Variants in ENOX2 observed in about 807,000 individuals in gnomAD.
ENOX2 encodes ecto-NOX disulfide-thiol exchanger 2.
In ENOX2, 36 loss-of-function variants were observed where a neutral mutation model predicts 45.0. The ratio of observed to expected loss-of-function variants is 0.80; its 90% CI spans 0.61 to 1.06. The LOEUF (loss-of-function observed/expected upper bound fraction) is 1.06, where lower values mean the gene tolerates loss of function less well. ENOX2 is among the 50% of genes least tolerant of loss of function. ENOX2 has a pLI of 0.00. For synonymous variants in ENOX2, 174 were observed against 152.3 expected (o/e 1.14, Z -1.05); for missense variants, 423 against 462.5 (o/e 0.91, Z 0.78).
intron 3 of ENOX2, among the ~76,000 whole-genome samples, chrX:130,739,341 A>G (rs2038928938): frequency 1.8e-5 from 2 of 112,275 alleles, no homozygotes; most frequent in Admixed American, 9.4e-5. Flanking sequence ...GTGGACTAAT[A>G]TAAGAGTTCT....
chrX:130,826,822 T>TTGA (rs1378074175), intron 2 of ENOX2, among the ~76,000 whole-genome samples: 1 of 111,801 alleles, frequency 8.9e-6, no homozygotes, highest in Non-Finnish European at 1.9e-5. Context: ...AAATGGTCAT[T>TTGA]ATTCAAATCA....
chrX:130,789,097 C>T (rs2077006838), intron 2 of ENOX2, among the ~76,000 whole-genome samples: 1 of 111,727 alleles, frequency 9.0e-6, no homozygotes, highest in East Asian at 2.8e-4. Context: ...AATGACATTT[C>T]TCATCTAATG....
At chrX:130,870,341 G>A (rs942614666) in intron 2 of ENOX2, among the ~76,000 whole-genome samples, 4 of 112,132 alleles carry the variant, frequency 3.6e-5, no homozygotes, top group Non-Finnish European at 5.7e-5. Context: ...ATCATCTTTC[G>A]TAAATTGAGC....
At chrX:130,641,382 T>C (rs1020841384) in intron 10 of ENOX2, among the ~76,000 whole-genome samples, 26 of 111,283 alleles carry the variant, frequency 2.3e-4, no homozygotes, top group Admixed American at 9.5e-4. Flanking sequence ...TGGATCTACA[T>C]AAAGAAAGGA....
intron 3 of ENOX2, among the ~76,000 whole-genome samples, chrX:130,730,538 C>T (rs1243439977): frequency 8.9e-6 from 1 of 112,573 alleles, no homozygotes; most frequent in Admixed American, 9.3e-5. Flanking sequence ...CAAAAAGCAT[C>T]TGAGACAAGT....
intron 3 of ENOX2, among the ~76,000 whole-genome samples, chrX:130,725,173 C>T (rs2038575997): frequency 9.0e-6 from 1 of 111,015 alleles, no homozygotes; most frequent in South Asian, 3.9e-4. Context: ...AACTTCTAAT[C>T]ACTTTTTAAT....
chrX:130,685,805 G>GT (rs1211271178), intron 5 of ENOX2, among the ~76,000 whole-genome samples: 1 of 111,687 alleles, frequency 9.0e-6, no homozygotes, highest in Non-Finnish European at 1.9e-5. Flanking sequence ...TAAATGGCAG[G>GT]TATGTGGCAA....
At chrX:130,842,301 C>A (rs1177986100) in intron 2 of ENOX2, among the ~76,000 whole-genome samples, 1 of 112,665 alleles carries the variant, frequency 8.9e-6, no homozygotes, top group Non-Finnish European at 1.9e-5. Context: ...GACAGAAGCA[C>A]TGAAAATATG....
At chrX:130,843,844 C>T (rs1437128261) in intron 2 of ENOX2, among the ~76,000 whole-genome samples, 1 of 111,957 alleles carries the variant, frequency 8.9e-6, no homozygotes, top group East Asian at 2.8e-4. Context: ...AATCACATAT[C>T]CTTCTGTATG....
At chrX:130,838,976 A>G in intron 2 of ENOX2, among the ~76,000 whole-genome samples, 1 of 112,191 alleles carries the variant, frequency 8.9e-6, no homozygotes, top group Non-Finnish European at 1.9e-5. Flanking sequence ...TACACAATGC[A>G]GTGAATCTAA....
chrX:130,649,433 A>G (rs191842140), intron 10 of ENOX2, among the ~76,000 whole-genome samples: 1 of 111,026 alleles, frequency 9.0e-6, no homozygotes, highest in East Asian at 2.8e-4. Context: ...TTTTCCTAAA[A>G]CTAGTATGTA....
At chrX:130,633,113 T>C (rs1293907737) in intron 12 of ENOX2, among the ~76,000 whole-genome samples, 1 of 112,002 alleles carries the variant, frequency 8.9e-6, no homozygotes, top group African/African-American at 3.2e-5. Context: ...AGGATGCTTA[T>C]CACCTTGAAT....
At chrX:130,701,027 T>C (rs764547182) in intron 4 of ENOX2, among the ~76,000 whole-genome samples, 3 of 112,396 alleles carry the variant, frequency 2.7e-5, no homozygotes, top group Non-Finnish European at 5.6e-5. Flanking sequence ...TCTGTAATGA[T>C]TGCTTGGTGG....
chrX:130,743,410 T>C (rs2039028638), intron 3 of ENOX2, among the ~76,000 whole-genome samples: 1 of 111,677 alleles, frequency 9.0e-6, no homozygotes, highest in African/African-American at 3.3e-5. Context: ...ATAACAACAT[T>C]TAACATCACT....
chrX:130,673,713 C>T (rs2037052956), intron 6 of ENOX2, among the ~76,000 whole-genome samples: 2 of 112,057 alleles, frequency 1.8e-5, no homozygotes, highest in South Asian at 7.4e-4. Context: ...GAGTAATAGG[C>T]ATTCCTGAGT....
At position 130,832,369 on chromosome X, in the gene ENOX2, T is replaced by G. The variant is rs192702995; in HGVS notation, c.-182-48679A>C. 1.7e-3 allele frequency among the ~76,000 whole-genome samples: 188 copies of G among 108,450 alleles called. 1 individual carries two copies. Among genetic ancestry groups the G allele is most frequent in the African/African-American group, 5.9e-3 (175 of 29,646 alleles). 94.2% of individuals were successfully genotyped at this position (108,450 alleles called of 115,157 possible). A position where few individuals can be genotyped will look rare whatever the true frequency, so the allele number is the denominator to read the frequency against. On this transcript the variant is annotated intron_variant, in intron 2 of 14. Transcript: ENST00000394363. ...CCATGTCAGTTGTTAAAGAAGTAAC[T>G]CTGGAAACAAATACACCTAAAGGCA...
rs189711966 is a variant in ENOX2, at chrX:130,635,671, A to T, written c.1312-580T>A. 8.2e-3 allele frequency among the ~76,000 whole-genome samples: 915 copies of T among 112,123 alleles called. 3 individuals are homozygous for T. The highest frequency in any genetic ancestry group is 0.014 in the Non-Finnish European group (760 of 53,154). ...TTAAACCTCACAATGACCCTATGTT[A>T]CTATTATCCCTAAGGCTAGGAGAGG... On this transcript the variant is annotated intron_variant, in intron 11 of 14. Transcript: ENST00000394363.
At chrX:130,684,132 C>T (rs911345336) in intron 5 of ENOX2, among the ~76,000 whole-genome samples, 53 of 112,689 alleles carry the variant, frequency 4.7e-4, no homozygotes, top group African/African-American at 1.6e-3. Flanking sequence ...CCAGCCCTTG[C>T]TTTTCCTAAT....
At chrX:130,777,820 A>G (rs1370032565) in intron 3 of ENOX2, among the ~76,000 whole-genome samples, 1 of 112,284 alleles carries the variant, frequency 8.9e-6, no homozygotes, top group East Asian at 2.8e-4. Context: ...GAAAGAAAGT[A>G]GGCTTACTTT....
Sources: gnomAD v4.1 joint callset for allele counts (sites outside exome capture counted in the v4.1 genomes callset) on GRCh38, gnomAD v4.1.1 for gene constraint, MANE v1.5 for transcripts, NCBI Gene and HGNC (gene_info 2026-07-23, HGNC 2026-07-21) for gene names.